The following GABRR3 variants were observed in gnomAD, a reference collection of about 807,000 sequenced individuals.
GABRR3 encodes gamma-aminobutyric acid receptor subunit rho-3.
GABRR3 carries 29 observed loss-of-function variants against 43.2 expected under a neutral mutation model. The ratio of observed to expected loss-of-function variants is 0.67; its 90% confidence interval spans 0.50 to 0.92. GABRR3 has a LOEUF of 0.92. GABRR3 is among the 40% of genes least tolerant of loss of function. The probability of loss-of-function intolerance (pLI) is 0.00; values close to 1 mark genes in which losing one functional copy is unlikely to be tolerated. For missense variants in GABRR3, 576 were observed against 572.3 expected, an observed-to-expected ratio of 1.01 and a Z score of -0.07; for synonymous variants, 206 against 195.9, an observed-to-expected ratio of 1.05 and a Z score of -0.43.
chr3:98,000,200 T>C (rs921874046), intron 8 of GABRR3: 1 of 152,148 alleles, frequency 6.6e-6, no homozygotes, highest in Non-Finnish European at 1.5e-5. Context: ...CAGATGTGGT[T>C]GCAAGAAGCA....
At chr3:98,024,242 C>T (rs1419276420) in intron 3 of GABRR3, among the ~76,000 whole-genome samples, 1 of 151,826 alleles carries the variant, frequency 6.6e-6, no homozygotes, top group Non-Finnish European at 1.5e-5. Flanking sequence ...GCCTGTAATC[C>T]CAGCTACTTG....
chr3:98,016,634 G>A lies in GABRR3; in HGVS notation c.306+1021C>T, dbSNP rs369479784. 6.2e-4 allele frequency among the ~76,000 whole-genome samples: 95 copies of A among 152,142 alleles called. No individual in the cohort carries two copies. The South Asian group carries it at 0.019, about 31-fold the overall frequency. ...AAGCTGTAAAGGCACCCTTTATTTG[G>A]GATAGAAAAACAAACTGAAGGGGGC... On this transcript the variant is annotated intron_variant, in intron 4 of 9. Transcript: ENST00000621172.
intron 3 of GABRR3, 122 bp from the exon 4 acceptor site, chr3:98,017,844 A>T: frequency 1.6e-6 from 1 of 635,674 alleles, no homozygotes; most frequent in Non-Finnish European, 2.7e-6. Flanking sequence ...TTTTTTAAAC[A>T]ACAAATTTCT....
chr3:98,033,734 A>AT (rs1012069402), intron 2 of GABRR3, among the ~76,000 whole-genome samples: 5 of 152,188 alleles, frequency 3.3e-5, no homozygotes, highest in Non-Finnish European at 7.3e-5. Context: ...TTTCCCAAAT[A>AT]TTTCCTTAGC....
chr3:98,020,652 C>T (rs979489216), intron 3 of GABRR3, among the ~76,000 whole-genome samples: 12 of 151,940 alleles, frequency 7.9e-5, no homozygotes, highest in African/African-American at 2.9e-4. Context: ...GCCACTGTTG[C>T]CCAAGCACTG....
rs183068287 is a variant in GABRR3 at position 98,015,973 on chromosome 3, G to A, written c.306+1682C>T. On this transcript the variant is annotated intron_variant, in intron 4 of 9. Transcript: ENST00000621172. ...TTCTGCATGGCTGGGGAGGCCTCAC[G>A]AAACTTACAACCACGGCAGAAGGCA... Among the ~76,000 whole-genome samples, 501 of 152,274 alleles carry A rather than the reference G, an allele frequency of 3.3e-3. 1 individual carries two copies. Among genetic ancestry groups the A allele is most frequent in the Non-Finnish European group, 5.5e-3 (377 of 68,016 alleles).
intron 9 of GABRR3, among the ~76,000 whole-genome samples, chr3:97,987,517 T>C (rs948170815): frequency 6.6e-6 from 1 of 152,226 alleles, no homozygotes; most frequent in Admixed American, 6.5e-5. Flanking sequence ...ACAAAATCAC[T>C]TCTTGATTCA....
chr3:98,015,552 A>G (rs1159943952), intron 4 of GABRR3, among the ~76,000 whole-genome samples: 1 of 152,226 alleles, frequency 6.6e-6, no homozygotes, highest in Admixed American at 6.5e-5. Context: ...CTAAAATTCA[A>G]ACCAAATACA....
At chr3:98,028,976 T>A (rs1048629357) in intron 2 of GABRR3, among the ~76,000 whole-genome samples, 2 of 152,114 alleles carry the variant, frequency 1.3e-5, no homozygotes, top group African/African-American at 4.8e-5. Flanking sequence ...TCTTATTCTA[T>A]ACACATACCA....
chr3:98,018,616 T>C (rs1452421958), intron 3 of GABRR3, among the ~76,000 whole-genome samples: 1 of 152,222 alleles, frequency 6.6e-6, no homozygotes, highest in African/African-American at 2.4e-5. Context: ...AGTTTTGCGA[T>C]GGAAATTTTA....
At position 98,012,333 on chromosome 3, in the gene GABRR3, G is replaced by A. The variant is rs1304393460; in HGVS notation, c.530+11C>T. ...ACAGGGAAGCCAAAGGCGATAGGCAGCTTTCCTTACCTGAGACTTAGGAGG... is the reference window on the plus strand; with the variant it reads ...ACAGGGAAGCCAAAGGCGATAGGCAACTTTCCTTACCTGAGACTTAGGAGG... On this transcript the variant is annotated intron_variant, in intron 5 of 9. Transcript: ENST00000621172. The A allele has an allele frequency of 3.1e-6, 5 of 1,608,422 alleles. No individual in the cohort carries two copies. Among genetic ancestry groups the A allele is most frequent in the Non-Finnish European group, 4.3e-6 (5 of 1,175,466 alleles).
rs1202138435 is a variant in GABRR3 at position 98,012,588 on chromosome 3, ACC to A, written c.307-23_307-22del. On this transcript the variant is annotated intron_variant, in intron 4 of 9. Transcript: ENST00000621172. ...AAGTCCTAGACAGAGAGAAAAAGAG[ACC>A]AAAAAAACCAGTAGGAATATGGTTC... 1.6e-5 allele frequency: 25 copies of A among 1,517,686 alleles called. No individual in the cohort carries two copies. In the Admixed American group the frequency reaches 1.9e-4, roughly 11 times the overall value. 94.0% of individuals were successfully genotyped at this position (1,517,686 alleles called of 1,614,324 possible). A position where few individuals can be genotyped will look rare whatever the true frequency, so the allele number is the denominator to read the frequency against.
intron 4 of GABRR3, among the ~76,000 whole-genome samples, chr3:98,013,657 T>C (rs930607294): frequency 3.9e-5 from 6 of 152,242 alleles, no homozygotes; most frequent in Non-Finnish European, 8.8e-5. Context: ...ATGAGCTAGT[T>C]TGTCCTAGGT....
At chr3:97,989,865 C>T (rs1406761274) in intron 9 of GABRR3, among the ~76,000 whole-genome samples, 1 of 152,140 alleles carries the variant, frequency 6.6e-6, no homozygotes, top group African/African-American at 2.4e-5. Context: ...GCTCACAGAC[C>T]TAAGCAACAT....
chr3:98,025,440 G>A lies in GABRR3; in HGVS notation c.238+127C>T, dbSNP rs542532542. 9.3e-5 allele frequency: 56 copies of A among 603,138 alleles called. 1 individual carries two copies. The South Asian group carries it at 1.4e-3, about 15-fold the overall frequency. The allele number at this position is 603,138 out of a possible 1,614,324, so 37.4% of individuals were successfully genotyped here. On this transcript the variant is annotated intron_variant, in intron 3 of 9. Coordinates refer to ENST00000621172, the Ensembl canonical transcript of GABRR3. ...TGTTCTCATTAAAGAGAAGGTGATT[G>A]TAAAAGCCTTCTTTTTTTGTTTTAA...
At chr3:98,008,211 G>T (rs1440676092) in intron 6 of GABRR3, among the ~76,000 whole-genome samples, 1 of 152,110 alleles carries the variant, frequency 6.6e-6, no homozygotes, top group Non-Finnish European at 1.5e-5. Context: ...GTTAAGCCAG[G>T]CCTCAGAGTG....
intron 3 of GABRR3, among the ~76,000 whole-genome samples, chr3:98,022,711 C>A (rs1314031074): frequency 6.6e-6 from 1 of 152,074 alleles, no homozygotes; most frequent in Non-Finnish European, 1.5e-5. Context: ...ATCACACAAG[C>A]CATTTGGACA....
intron 7 of GABRR3, among the ~76,000 whole-genome samples, chr3:98,002,360 T>C (rs1559775753): frequency 1.3e-5 from 2 of 152,178 alleles, no homozygotes. Context: ...TTGCTTCCTA[T>C]TGAAATTATA....
At chr3:98,021,613 T>C (rs1706949357) in intron 3 of GABRR3, among the ~76,000 whole-genome samples, 1 of 152,216 alleles carries the variant, frequency 6.6e-6, no homozygotes, top group East Asian at 1.9e-4. Flanking sequence ...CAGTAATAAA[T>C]GTAACAGTGT....
Sources: gnomAD v4.1 joint callset for allele counts (sites outside exome capture counted in the v4.1 genomes callset) on GRCh38, gnomAD v4.1.1 for gene constraint, MANE v1.5 for transcripts, NCBI Gene and HGNC (gene_info 2026-07-23, HGNC 2026-07-21) for gene names.